The following CTNNA2 variants were observed in gnomAD, a reference collection of about 807,000 sequenced individuals.
CTNNA2 encodes the protein catenin alpha-2.
In CTNNA2, 42 loss-of-function variants were observed where a neutral mutation model predicts 101.0. The ratio of observed to expected loss-of-function variants is 0.42; its 90% confidence interval spans 0.32 to 0.54. CTNNA2 has a LOEUF of 0.54. Ranked by LOEUF, CTNNA2 falls within the 20% of genes least tolerant of loss-of-function variation. The pLI is 0.14. For missense variants in CTNNA2, 871 were observed against 1,223.1 expected (o/e 0.71, Z 4.29); for synonymous variants, 450 against 456.4 (o/e 0.99, Z 0.18).
chr2:79,673,712 G>C (rs1055071377), intron 2 of CTNNA2, among the ~76,000 whole-genome samples: 2 of 152,200 alleles, frequency 1.3e-5, no homozygotes, highest in Non-Finnish European at 2.9e-5. Context: ...GAGAGTGTGT[G>C]TGTATGTGTG....
intron 8 of CTNNA2, 93 bp downstream of exon 8, chr2:80,393,384 G>A (rs1342435813): frequency 3.4e-6 from 3 of 885,768 alleles, no homozygotes; most frequent in African/African-American, 1.7e-5. Context: ...AGATGACAAT[G>A]AGGTTGTTAT....
chr2:80,055,468 C>T (rs369228696), intron 7 of CTNNA2, among the ~76,000 whole-genome samples: 13 of 152,074 alleles, frequency 8.5e-5, no homozygotes, highest in East Asian at 1.9e-4. Context: ...GCCAGTGGGC[C>T]GAATCTTGAC....
intron 7 of CTNNA2, among the ~76,000 whole-genome samples, chr2:79,999,904 T>C (rs1278834591): frequency 6.6e-6 from 1 of 152,174 alleles, no homozygotes; most frequent in African/African-American, 2.4e-5. Context: ...ATGGTTGTTT[T>C]CAGGAAATTT....
chr2:79,436,716 T>TC (rs1558666268), intron 4 of CTNNA2, among the ~76,000 whole-genome samples: 1 of 151,902 alleles, frequency 6.6e-6, no homozygotes, highest in Non-Finnish European at 1.5e-5. Context: ...ACTGCAAGCT[T>TC]CCCCTCCTGG....
intron 7 of CTNNA2, chr2:80,298,275 A>G (rs1431589026): frequency 6.6e-6 from 1 of 152,208 alleles, no homozygotes; most frequent in Non-Finnish European, 1.5e-5. Flanking sequence ...TGTCAATGGC[A>G]GACCCAAATC....
At chr2:80,463,615 C>G (rs1684626598) in intron 9 of CTNNA2, among the ~76,000 whole-genome samples, 1 of 152,112 alleles carries the variant, frequency 6.6e-6, no homozygotes, top group African/African-American at 2.4e-5. Flanking sequence ...TTTGGGGTAA[C>G]AAGAGGAATG....
At chr2:79,642,887 A>G (rs906380667) in intron 1 of CTNNA2, among the ~76,000 whole-genome samples, 5 of 151,494 alleles carry the variant, frequency 3.3e-5, no homozygotes, top group African/African-American at 1.2e-4. Context: ...CACATCCTAG[A>G]GGTACTTTAA....
chr2:80,487,746 C>T (rs915985349), intron 9 of CTNNA2, among the ~76,000 whole-genome samples: 1 of 152,140 alleles, frequency 6.6e-6, no homozygotes, highest in Non-Finnish European at 1.5e-5. Context: ...TGATGTTTTT[C>T]ATATGAATCC....
chr2:79,972,946 C>A (rs939644156), intron 7 of CTNNA2, among the ~76,000 whole-genome samples: 1 of 152,050 alleles, frequency 6.6e-6, no homozygotes, highest in African/African-American at 2.4e-5. Flanking sequence ...GGTAACGTGA[C>A]AAGAGTTATG....
chr2:80,350,683 G>A (rs1673202076), intron 7 of CTNNA2, among the ~76,000 whole-genome samples: 1 of 152,102 alleles, frequency 6.6e-6, no homozygotes, highest in African/African-American at 2.4e-5. Flanking sequence ...AATGAATGTG[G>A]TAAAGCACTT....
intron 9 of CTNNA2, among the ~76,000 whole-genome samples, chr2:80,500,283 C>T (rs1241323189): frequency 1.3e-5 from 2 of 152,140 alleles, no homozygotes; most frequent in East Asian, 3.9e-4. Flanking sequence ...GTTCTCAAAA[C>T]TCTTCCTCCT....
chr2:79,863,688 T>A (rs1222404503), intron 4 of CTNNA2, among the ~76,000 whole-genome samples: 1 of 152,114 alleles, frequency 6.6e-6, no homozygotes, highest in African/African-American at 2.4e-5. Flanking sequence ...ATGGCAGATA[T>A]GAGGAGAAGC....
chr2:79,912,495 G>A (rs75791006), intron 7 of CTNNA2, among the ~76,000 whole-genome samples: 1 of 152,206 alleles, frequency 6.6e-6, no homozygotes, highest in Non-Finnish European at 1.5e-5. Flanking sequence ...ACAGAATTGT[G>A]CAGTTAAAAG....
chr2:80,068,993 T>C (rs1222464983), intron 7 of CTNNA2, among the ~76,000 whole-genome samples: 2 of 152,310 alleles, frequency 1.3e-5, no homozygotes, highest in East Asian at 1.9e-4. Context: ...TGAATAGATA[T>C]AGAAGAGGAG....
chr2:79,782,421 G>T (rs2861909), intron 3 of CTNNA2, among the ~76,000 whole-genome samples: 39,403 of 151,842 alleles, frequency 0.26, 5,516 homozygotes, highest in South Asian at 0.4. Context: ...ATTTTTAGTA[G>T]ATACAGGGTT....
intron 9 of CTNNA2, among the ~76,000 whole-genome samples, chr2:80,474,253 T>C (rs1005202332): frequency 2.0e-5 from 3 of 152,216 alleles, no homozygotes; most frequent in Non-Finnish European, 4.4e-5. Context: ...TCAAACAGAC[T>C]GCAGACACCA....
intron 4 of CTNNA2, among the ~76,000 whole-genome samples, chr2:79,471,648 C>G (rs1268234999): frequency 6.6e-6 from 1 of 152,022 alleles, no homozygotes; most frequent in Non-Finnish European, 1.5e-5. Flanking sequence ...ACCATCCTGG[C>G]TAACACGGTG....
intron 7 of CTNNA2, among the ~76,000 whole-genome samples, chr2:79,920,228 A>G (rs1200834924): frequency 6.6e-6 from 1 of 152,178 alleles, no homozygotes; most frequent in Non-Finnish European, 1.5e-5. Context: ...AAAAAAACAA[A>G]AACAAAAACA....
intron 7 of CTNNA2, among the ~76,000 whole-genome samples, chr2:79,910,148 T>A (rs1219508963): frequency 6.6e-6 from 1 of 152,220 alleles, no homozygotes; most frequent in Non-Finnish European, 1.5e-5. Flanking sequence ...TAGTAAGTCC[T>A]CTGTTACAAA....
Sources: allele counts gnomAD v4.1 joint callset (sites outside exome capture counted in the v4.1 genomes callset), GRCh38; gene constraint gnomAD v4.1.1; transcripts MANE v1.5; gene names NCBI Gene and HGNC (gene_info 2026-07-23, HGNC 2026-07-21).